The following EDC3 variants were observed in gnomAD, a reference collection of about 807,000 sequenced individuals.
EDC3 encodes enhancer of mRNA-decapping protein 3.
In EDC3, 20 loss-of-function variants were observed where a neutral mutation model predicts 41.8. The ratio of observed to expected loss-of-function variants is 0.48; its 90% CI spans 0.34 to 0.70. The LOEUF (loss-of-function observed/expected upper bound fraction) is 0.70, where lower values mean the gene tolerates loss of function less well. Ranked by LOEUF, EDC3 falls within the 30% of genes least tolerant of loss-of-function variation. The pLI, the probability that EDC3 is intolerant of heterozygous loss-of-function variation, is 0.01. For missense variants in EDC3, 444 were observed against 636.8 expected (o/e 0.70, Z 3.26); for synonymous variants, 206 against 243.2 (o/e 0.85, Z 1.42).
chr15:74,634,160 C>T (rs2062243936), intron 6 of EDC3, among the ~76,000 whole-genome samples: 2 of 152,326 alleles, frequency 1.3e-5, no homozygotes, highest in South Asian at 4.1e-4. Context: ...TCACCAGGAG[C>T]CTCCACAGAG....
chr15:74,660,966 A>T (rs917900539), intron 3 of EDC3, among the ~76,000 whole-genome samples: 4 of 152,206 alleles, frequency 2.6e-5, no homozygotes, highest in African/African-American at 7.2e-5. Context: ...TCAATTTTTT[A>T]AAATTGCAGT....
At position 74,671,483 on chromosome 15, in the gene EDC3, G is replaced by A; in HGVS notation, c.456C>T (p.Ser152=). 6.2e-7 allele frequency: 1 copy of A among 1,611,384 alleles called. No homozygotes were observed. The highest frequency in any genetic ancestry group is 1.1e-5 in the South Asian group (1 of 90,772). The change falls in exon 3 of 7, where the codon TCC becomes TCT. Residue 152 remains serine, a synonymous_variant. Transcript: ENST00000315127. The surrounding 1 kb of genome is among the most constrained non-coding windows in gnomAD (Gnocchi z 4.6). ...AGTTGTGCCGACGACGGAAACTTTT[G>A]GACTGACTCAAGGATTCCATGTGCC... ...VDRHMESLSQ[S]KSFRRRHNSW... is the part of the protein sequence containing the mutation.
intron 6 of EDC3, among the ~76,000 whole-genome samples, chr15:74,633,737 T>C (rs1207545128): frequency 6.6e-6 from 1 of 152,128 alleles, no homozygotes; most frequent in Non-Finnish European, 1.5e-5. Context: ...AGGAAAACTT[T>C]TGGGCAGCAA....
At chr15:74,674,361 G>A (rs1377982831) in intron 2 of EDC3, among the ~76,000 whole-genome samples, 1 of 152,082 alleles carries the variant, frequency 6.6e-6, no homozygotes, top group Non-Finnish European at 1.5e-5. Context: ...CTGCTGCCTT[G>A]GCCTCCCAAA....
chr15:74,637,865 T>C (rs1197989857), intron 5 of EDC3: 1 of 152,200 alleles, frequency 6.6e-6, no homozygotes, highest in East Asian at 1.9e-4. Context: ...CAACATCCTA[T>C]CATGTGAGGC....
chr15:74,648,382 A>G (rs1458403761), intron 4 of EDC3, among the ~76,000 whole-genome samples: 1 of 152,196 alleles, frequency 6.6e-6, no homozygotes, highest in African/African-American at 2.4e-5. Context: ...CCAGCTGTGA[A>G]AGAGACAACT....
In EDC3 at chr15:74,659,611, C is replaced by T. The variant is rs1230917725; in HGVS notation, c.485-3543G>A. Among the ~76,000 whole-genome samples the T allele has an allele frequency of 5.9e-5, 9 of 151,702 alleles. No individual in the cohort carries two copies. The East Asian group carries it at 1.7e-3, about 29-fold the overall frequency. On this transcript the variant is annotated intron_variant, in intron 3 of 6. Coordinates refer to ENST00000315127, the MANE Select transcript of EDC3 (RefSeq NM_025083.5). ...GATGGGCTGGGTACAGTGGCTCATG[C>T]CCAAATCTCAGCACTTTGGGAGGCC...
chr15:74,679,729 G>A (rs1480193172), intron 1 of EDC3: 3 of 142,872 alleles, frequency 2.1e-5, no homozygotes, highest in South Asian at 4.5e-4. Context: ...AAACCAGCCT[G>A]GGCAACACAG....
chr15:74,662,158 AAC>A (rs1230260902), intron 3 of EDC3, among the ~76,000 whole-genome samples: 9 of 152,168 alleles, frequency 5.9e-5, no homozygotes, highest in African/African-American at 1.9e-4. Context: ...ACTCGGCCCA[AAC>A]ACACTATCTT....
rs117460858 is a variant in EDC3, at chr15:74,633,789, C to T, written c.1193-843G>A. Among the ~76,000 whole-genome samples the T allele has an allele frequency of 7.4e-3, 1,125 of 152,288 alleles. 3 individuals are homozygous for T. The highest frequency in any genetic ancestry group is 0.012 in the Non-Finnish European group (822 of 68,014). The stretch of plus-strand genomic sequence containing the variant: ...GAAGGGGGCATCATGTTAAAAATTA[C>T]AAGGGGAACCCACACCAGGCCCCCT... On this transcript the variant is annotated intron_variant, in intron 6 of 6. Coordinates refer to ENST00000315127, the MANE Select transcript of EDC3 (RefSeq NM_025083.5).
chr15:74,675,142 A>G lies in EDC3; in HGVS notation c.-18T>C. 1 of 1,611,588 alleles carries G rather than the reference A, an allele frequency of 6.2e-7. No homozygotes were observed. The highest frequency in any genetic ancestry group is 8.5e-7 in the Non-Finnish European group (1 of 1,179,806). On this transcript the variant is annotated splice_region_variant and 5_prime_UTR_variant, in exon 2 of 7. Coordinates refer to ENST00000315127, the MANE Select transcript of EDC3 (RefSeq NM_025083.5). Reference sequence around the variant, plus strand: ...GTAGCCATGTTTCACACGTGAGACCACTGTGAAGAGAAGGAACTATTCAGT... The same window carrying G: ...GTAGCCATGTTTCACACGTGAGACCGCTGTGAAGAGAAGGAACTATTCAGT...
chr15:74,689,961 T>C (rs1262262536), intron 1 of EDC3, among the ~76,000 whole-genome samples: 3 of 152,204 alleles, frequency 2.0e-5, no homozygotes, highest in Admixed American at 2.0e-4. Flanking sequence ...ACATTACTAG[T>C]GTAAGTTTGC....
chr15:74,689,356 C>T (rs2062975135), intron 1 of EDC3, among the ~76,000 whole-genome samples: 2 of 152,168 alleles, frequency 1.3e-5, no homozygotes, highest in Admixed American at 6.5e-5. Flanking sequence ...TTTTCTTAAA[C>T]ATACTTCTTA....
chr15:74,635,763 G>T, intron 5 of EDC3, 137 bp from the exon 6 acceptor site: 1 of 809,810 alleles, frequency 1.2e-6, no homozygotes, highest in Non-Finnish European at 1.9e-6. Flanking sequence ...CTCCAGAGGG[G>T]GACAAAATCC....
At chr15:74,651,992 T>A (rs1020389752) in intron 4 of EDC3, among the ~76,000 whole-genome samples, 1 of 152,226 alleles carries the variant, frequency 6.6e-6, no homozygotes, top group African/African-American at 2.4e-5. Context: ...GGTTGTTTAC[T>A]CTCATGACTG....
chr15:74,678,776 G>A (rs888800092), intron 1 of EDC3, among the ~76,000 whole-genome samples: 5 of 151,278 alleles, frequency 3.3e-5, no homozygotes, highest in African/African-American at 1.2e-4. Context: ...TGTAATCCCA[G>A]CTACTCAAGA....
chr15:74,656,444 C>CA (rs1476762447), intron 3 of EDC3, among the ~76,000 whole-genome samples: 25 of 147,534 alleles, frequency 1.7e-4, no homozygotes, highest in Non-Finnish European at 3.3e-4. Context: ...CACACACAAA[C>CA]AACAACAAAT....
At position 74,631,771 on chromosome 15, in the gene EDC3, T is replaced by G. The variant is rs2062212176; in HGVS notation, c.*841A>C. Reference sequence around the variant, plus strand: ...GTTCAGCACCAGGCTCCCCCAGGGATATCCCCATCTGAGGGGTCTGGCCCC... The same window carrying G: ...GTTCAGCACCAGGCTCCCCCAGGGAGATCCCCATCTGAGGGGTCTGGCCCC... On this transcript the variant is annotated 3_prime_UTR_variant, in exon 7 of 7. Coordinates refer to ENST00000315127, the MANE Select transcript of EDC3 (RefSeq NM_025083.5). 6.6e-6 allele frequency: 1 copy of G among 152,660 alleles called. No individual in the cohort carries two copies. Among genetic ancestry groups the G allele is most frequent in the African/African-American group, 2.4e-5 (1 of 41,356 alleles). The allele number at this position is 152,660 out of a possible 1,614,324, so 9.5% of individuals were successfully genotyped here.
chr15:74,659,083 A>T (rs2062588765), intron 3 of EDC3, among the ~76,000 whole-genome samples: 1 of 152,224 alleles, frequency 6.6e-6, no homozygotes, highest in Non-Finnish European at 1.5e-5. Context: ...CAATAATTTG[A>T]TGAAGCACTC....
Sources: allele counts gnomAD v4.1 joint callset (sites outside exome capture counted in the v4.1 genomes callset), GRCh38; gene constraint gnomAD v4.1.1; non-coding constraint Gnocchi (gnomAD v3.1); transcripts MANE v1.5; gene names NCBI Gene and HGNC (gene_info 2026-07-23, HGNC 2026-07-21).